Variants in CREB5 observed in about 807,000 individuals in gnomAD.
CREB5 encodes cAMP responsive element binding protein 5, also known as cyclic AMP-responsive element-binding protein 5.
In CREB5, 19 loss-of-function variants were observed where a neutral mutation model predicts 57.1. The ratio of observed to expected loss-of-function variants is 0.33; its 90% CI spans 0.23 to 0.49. The LOEUF (loss-of-function observed/expected upper bound fraction) is 0.49. Ranked by LOEUF, CREB5 falls within the 20% of genes least tolerant of loss-of-function variation. CREB5 has a pLI of 0.99. For synonymous variants in CREB5, 238 were observed against 238.3 expected, an observed-to-expected ratio of 1.00 and a Z score of 0.01; for missense variants, 579 against 671.6, an observed-to-expected ratio of 0.86 and a Z score of 1.52.
chr7:28,465,650 G>A (rs559768487), intron 1 of CREB5, among the ~76,000 whole-genome samples: 5 of 152,182 alleles, frequency 3.3e-5, no homozygotes, highest in South Asian at 4.2e-4. Context: ...TCTCAGATTC[G>A]TCATTGGCCA....
chr7:28,560,823 CGCGCGCGCGCGTGTGTGT>C (rs1795081020), intron 4 of CREB5, among the ~76,000 whole-genome samples: 9 of 34,466 alleles, frequency 2.6e-4, no homozygotes, highest in African/African-American at 5.7e-4. Flanking sequence ...TGTGTGTGTG[CGCGCGCGCGCGTGTGTGT>C]GTGCGCGTGT....
At chr7:28,363,291 G>T (rs1786526101) in intron 1 of CREB5, among the ~76,000 whole-genome samples, 1 of 152,078 alleles carries the variant, frequency 6.6e-6, no homozygotes, top group Non-Finnish European at 1.5e-5. Flanking sequence ...CATGAAGAAG[G>T]CAAGCACATA....
chr7:28,786,117 C>T (rs1314338941), intron 7 of CREB5, among the ~76,000 whole-genome samples: 1 of 152,154 alleles, frequency 6.6e-6, no homozygotes, highest in Non-Finnish European at 1.5e-5. Flanking sequence ...CATGGCTGCC[C>T]ATTTTACAGG....
intron 5 of CREB5, among the ~76,000 whole-genome samples, chr7:28,588,128 G>A (rs1209997665): frequency 6.6e-6 from 1 of 152,188 alleles, no homozygotes; most frequent in Non-Finnish European, 1.5e-5. Flanking sequence ...CTGATCTGCA[G>A]TACAGCATTC....
intron 1 of CREB5, among the ~76,000 whole-genome samples, chr7:28,348,477 A>T (rs907059853): frequency 1.3e-5 from 2 of 151,954 alleles, no homozygotes; most frequent in African/African-American, 4.8e-5. Flanking sequence ...AGAATTAGAG[A>T]TATGTCTAAA....
chr7:28,636,307 G>A (rs1482490055), intron 5 of CREB5, among the ~76,000 whole-genome samples: 1 of 152,130 alleles, frequency 6.6e-6, no homozygotes, highest in African/African-American at 2.4e-5. Flanking sequence ...TATGGAGGAA[G>A]AGGAGTGTGG....
rs1785324064 is a variant in CREB5 at position 28,313,723 on chromosome 7, C to CA, written c.-25+14284dup. The stretch of plus-strand genomic sequence containing the variant: ...TGTAGATTTCTAGTGATGGACAACT[C>CA]AATACCCCTTCACGGTTTTAACACA... On this transcript the variant is annotated intron_variant, in intron 1 of 9. Transcript: ENST00000396299. 9.2e-5 allele frequency among the ~76,000 whole-genome samples: 14 copies of CA among 152,288 alleles called. No individual in the cohort carries two copies. The South Asian group carries it at 2.9e-3, about 32-fold the overall frequency.
At chr7:28,664,778 C>CA (rs1799751851) in intron 5 of CREB5, among the ~76,000 whole-genome samples, 1 of 152,032 alleles carries the variant, frequency 6.6e-6, no homozygotes, top group African/African-American at 2.4e-5. Context: ...ACAAAATGGA[C>CA]AGCCCTTTCA....
intron 1 of CREB5, among the ~76,000 whole-genome samples, chr7:28,402,164 G>A (rs868762616): frequency 6.6e-6 from 1 of 152,226 alleles, no homozygotes; most frequent in African/African-American, 2.4e-5. Context: ...GATGGCCAGT[G>A]ATGATGAGCA....
At chr7:28,551,963 T>C (rs1794676052) in intron 4 of CREB5, among the ~76,000 whole-genome samples, 7 of 148,172 alleles carry the variant, frequency 4.7e-5, no homozygotes, top group African/African-American at 1.8e-4. Flanking sequence ...CTTTCTCTTT[T>C]TTATTCTCTC....
intron 1 of CREB5, among the ~76,000 whole-genome samples, chr7:28,328,156 A>G (rs1179211206): frequency 6.6e-6 from 1 of 152,226 alleles, no homozygotes; most frequent in African/African-American, 2.4e-5. Flanking sequence ...AAGTGAACTC[A>G]GAAGAATGGA....
chr7:28,786,961 G>C (rs1807364927), intron 7 of CREB5, among the ~76,000 whole-genome samples: 1 of 152,164 alleles, frequency 6.6e-6, no homozygotes, highest in Admixed American at 6.5e-5. Flanking sequence ...ACAGAATATA[G>C]TGTAAAAACC....
At chr7:28,572,113 C>T (rs1243595328) in intron 5 of CREB5, among the ~76,000 whole-genome samples, 1 of 152,168 alleles carries the variant, frequency 6.6e-6, no homozygotes, top group Non-Finnish European at 1.5e-5. Flanking sequence ...AGAAGGGGCA[C>T]CTTGTCTCAC....
intron 7 of CREB5, among the ~76,000 whole-genome samples, chr7:28,769,336 C>G (rs1806196721): frequency 6.6e-6 from 1 of 152,090 alleles, no homozygotes; most frequent in African/African-American, 2.4e-5. Context: ...ATAGGTACAG[C>G]AGCAGATTTT....
At chr7:28,714,947 C>T (rs1332527891) in intron 5 of CREB5, among the ~76,000 whole-genome samples, 7 of 152,198 alleles carry the variant, frequency 4.6e-5, no homozygotes, top group African/African-American at 1.7e-4. Context: ...TGGCAACAAG[C>T]CTGCACTGGA....
chr7:28,517,071 A>G (rs1460303668), intron 4 of CREB5, among the ~76,000 whole-genome samples: 1 of 152,200 alleles, frequency 6.6e-6, no homozygotes, highest in East Asian at 1.9e-4. Flanking sequence ...GTAAATGACT[A>G]AAAGATGAAG....
At chr7:28,484,714 T>C (rs1439479821) in intron 1 of CREB5, among the ~76,000 whole-genome samples, 1 of 152,210 alleles carries the variant, frequency 6.6e-6, no homozygotes, top group Non-Finnish European at 1.5e-5. Flanking sequence ...AACATAACAA[T>C]TGTAACCCAG....
intron 5 of CREB5, among the ~76,000 whole-genome samples, chr7:28,583,998 C>G (rs1312064954): frequency 6.6e-6 from 1 of 152,116 alleles, no homozygotes; most frequent in Non-Finnish European, 1.5e-5. Context: ...CTTCAACCTG[C>G]ACACTTCCAC....
At chr7:28,718,113 G>A (rs954595094) in intron 5 of CREB5, among the ~76,000 whole-genome samples, 4 of 152,186 alleles carry the variant, frequency 2.6e-5, no homozygotes, top group Non-Finnish European at 4.4e-5. Context: ...AACACCTCGC[G>A]TTATTATGAA....
Sources: gnomAD v4.1 joint callset for allele counts (sites outside exome capture counted in the v4.1 genomes callset) on GRCh38, gnomAD v4.1.1 for gene constraint, MANE v1.5 for transcripts, NCBI Gene and HGNC (gene_info 2026-07-23, HGNC 2026-07-21) for gene names.